EYA3: variants seen among roughly 807,000 people sequenced by gnomAD.
EYA3 encodes the protein protein phosphatase EYA3.
In EYA3, 39 loss-of-function variants were observed where a neutral mutation model predicts 80.0. That is an observed-to-expected ratio of 0.49 (90% CI 0.38 to 0.64). The LOEUF is 0.64. Among genes scored for constraint, EYA3 ranks in the 30% least tolerant of loss-of-function variants. The probability of loss-of-function intolerance (pLI) is 0.00; values close to 1 mark genes in which losing one functional copy is unlikely to be tolerated. For missense variants in EYA3, 523 were observed against 676.1 expected (o/e 0.77, Z 2.51); for synonymous variants, 206 against 232.8 (o/e 0.88, Z 1.05).
chr1:27,997,287 G>A (rs762310818), intron 13 of EYA3, 33 bp downstream of exon 13: 4 of 1,585,092 alleles, frequency 2.5e-6, no homozygotes, highest in Admixed American at 1.7e-5. Context: ...CATAACAGGT[G>A]TACTGGTGTT....
rs1047947824 is a variant in EYA3, at chr1:28,067,092, A to G, written c.-68-8998T>C. 1.4e-4 allele frequency among the ~76,000 whole-genome samples: 22 copies of G among 152,358 alleles called. 1 individual carries two copies. In the South Asian group the frequency reaches 3.9e-3, roughly 27 times the overall value. On this transcript the variant is annotated intron_variant, in intron 1 of 17. Transcript: ENST00000373871. The stretch of plus-strand genomic sequence containing the variant: ...CAGTCAGGCACAGCTGTAAAATCAT[A>G]TGTGTCTTCAGACTGTTCCTGGATA...
At chr1:28,010,854 G>T in intron 10 of EYA3, 93 bp downstream of exon 10, 3 of 1,447,636 alleles carry the variant, frequency 2.1e-6, no homozygotes, top group Non-Finnish European at 1.9e-6. Context: ...ATAACATAGT[G>T]CACATTATCT....
chr1:28,081,048 C>T (rs975577629), intron 1 of EYA3, among the ~76,000 whole-genome samples: 1 of 152,060 alleles, frequency 6.6e-6, no homozygotes, highest in African/African-American at 2.4e-5. Flanking sequence ...TGAGCCACTG[C>T]GCCCGGCCGA....
chr1:27,978,579 G>A, intron 16 of EYA3, 105 bp from the exon 17 acceptor site: 1 of 850,958 alleles, frequency 1.2e-6, no homozygotes, highest in Non-Finnish European at 1.9e-6. Flanking sequence ...GGTGGACTAA[G>A]TGACAGCCCA....
At chr1:28,081,896 CTGAT>C (rs1645442869) in intron 1 of EYA3, among the ~76,000 whole-genome samples, 1 of 152,102 alleles carries the variant, frequency 6.6e-6, no homozygotes, top group Admixed American at 6.5e-5. Context: ...TTTAAATACA[CTGAT>C]TATCAGACCC....
intron 10 of EYA3, among the ~76,000 whole-genome samples, chr1:28,010,133 T>C (rs1423200218): frequency 6.6e-6 from 1 of 152,174 alleles, no homozygotes; most frequent in Non-Finnish European, 1.5e-5. Flanking sequence ...CATAGTTAAA[T>C]ATGTATTTTC....
chr1:28,082,846 CATAAGATA>C (rs1645479694), intron 1 of EYA3, among the ~76,000 whole-genome samples: 1 of 152,038 alleles, frequency 6.6e-6, no homozygotes, highest in Non-Finnish European at 1.5e-5. Flanking sequence ...AATTAACTTC[CATAAGATA>C]ATTTTTCTAA....
In EYA3 at chr1:28,038,909, A is replaced by C. The variant is rs1006901102; in HGVS notation, c.158-4T>G. The C allele has an allele frequency of 3.8e-6, 6 of 1,584,576 alleles. No homozygotes were observed. In the African/African-American group the frequency reaches 8.1e-5, roughly 21 times the overall value. On this transcript the variant is annotated splice_polypyrimidine_tract_variant and splice_region_variant and intron_variant, in intron 4 of 17. Transcript: ENST00000373871. The stretch of plus-strand genomic sequence containing the variant: ...ATGTAATCGGTGCATGTCATAACTG[A>C]AAGAAAGATAATATCACCAGGTTAA...
At chr1:28,058,722 G>A (rs1644514537) in intron 1 of EYA3, among the ~76,000 whole-genome samples, 1 of 152,108 alleles carries the variant, frequency 6.6e-6, no homozygotes, top group African/African-American at 2.4e-5. Flanking sequence ...CTGAAATAAT[G>A]AACTTCTACT....
intron 17 of EYA3, among the ~76,000 whole-genome samples, 188 bp from the exon 18 acceptor site, chr1:27,974,734 A>G (rs1638855315): frequency 6.6e-6 from 1 of 152,262 alleles, no homozygotes; most frequent in African/African-American, 2.4e-5. Flanking sequence ...TGCACACTTT[A>G]GAAATGTGAG....
intron 7 of EYA3, among the ~76,000 whole-genome samples, chr1:28,023,803 C>T (rs570874130): frequency 1.3e-5 from 2 of 152,272 alleles, no homozygotes; most frequent in Admixed American, 6.5e-5. Flanking sequence ...TAATAACATA[C>T]TAATACTGGT....
At chr1:28,041,776 T>C (rs1196659424) in intron 4 of EYA3, among the ~76,000 whole-genome samples, 2 of 152,166 alleles carry the variant, frequency 1.3e-5, no homozygotes, top group Admixed American at 6.6e-5. Flanking sequence ...TCCCAAAGTG[T>C]TGGGATTACA....
At position 28,072,755 on chromosome 1, in the gene EYA3, T is replaced by C. The variant is rs111232030; in HGVS notation, c.-68-14661A>G. On this transcript the variant is annotated intron_variant, in intron 1 of 17. Coordinates refer to ENST00000373871, the MANE Select transcript of EYA3 (RefSeq NM_001990.4). ...TCTACCTAAGTGAAAAGAATACTTA[T>C]GTTCACATAAAAACCTGTATATAAA... Among the ~76,000 whole-genome samples, 1,170 of 152,228 alleles carry C rather than the reference T, an allele frequency of 7.7e-3. 10 individuals are homozygous for C. The highest frequency in any genetic ancestry group is 0.051 in the Middle Eastern group (15 of 294).
chr1:28,040,854 CA>C (rs140129016), intron 4 of EYA3, among the ~76,000 whole-genome samples: 32,030 of 119,444 alleles, frequency 0.27, 3,600 homozygotes, highest in Non-Finnish European at 0.3. Flanking sequence ...GGCGGAGGGG[CA>C]GGGGGGGGTC....
intron 2 of EYA3, among the ~76,000 whole-genome samples, chr1:28,055,895 G>A (rs1389530341): frequency 1.3e-5 from 2 of 152,074 alleles, no homozygotes; most frequent in Non-Finnish European, 2.9e-5. Context: ...ACGACCATCA[G>A]TAACATCTCT....
At chr1:27,984,282 C>A (rs1639504027) in intron 16 of EYA3, among the ~76,000 whole-genome samples, 1 of 152,140 alleles carries the variant, frequency 6.6e-6, no homozygotes, top group South Asian at 2.1e-4. Flanking sequence ...TCAAGTGATG[C>A]CTTGGCCTCC....
At chr1:28,008,152 T>C (rs540113799) in intron 10 of EYA3, among the ~76,000 whole-genome samples, 1 of 152,268 alleles carries the variant, frequency 6.6e-6, no homozygotes, top group South Asian at 2.1e-4. Flanking sequence ...ACAGCCAACA[T>C]CATAAGTTAA....
rs150037373 is a variant in EYA3 at position 28,017,154 on chromosome 1, C to G, written c.585G>C (p.Gln195His). 6.2e-7 allele frequency: 1 copy of G among 1,610,748 alleles called. No homozygotes were observed. Among genetic ancestry groups the G allele is most frequent in the African/African-American group, 1.3e-5 (1 of 74,830 alleles). ...AGGATGAACAAAGGTAGCATCATAC[C>G]TGGTTTGAGATGCTGGCTACTGCTG... ...PAAAVASISN[Q>H]DYPTYTILGQ... The change falls in exon 8 of 18, where the codon CAG becomes CAC. Residue 195 changes from glutamine (Q) to histidine (H), a missense_variant and splice_region_variant. By Grantham distance (24) the Gln-to-His change is conservative. Around this residue, in one of 2 missense-constraint regions of EYA3, gnomAD observed 304 missense variants for 343.3 expected, o/e 0.89. Coordinates refer to ENST00000373871, the MANE Select transcript of EYA3 (RefSeq NM_001990.4).
At chr1:28,021,713 C>T (rs1004634670) in intron 7 of EYA3, among the ~76,000 whole-genome samples, 1 of 151,784 alleles carries the variant, frequency 6.6e-6, no homozygotes, top group Admixed American at 6.6e-5. Context: ...AGGCGATTCT[C>T]GTGCCTCAGC....
Sources: allele counts gnomAD v4.1 joint callset (sites outside exome capture counted in the v4.1 genomes callset), GRCh38; gene constraint gnomAD v4.1.1; regional missense constraint gnomAD v4.1.1; transcripts MANE v1.5; gene names NCBI Gene and HGNC (gene_info 2026-07-23, HGNC 2026-07-21).